The following CCDC81 variants were observed in gnomAD, a reference collection of about 807,000 sequenced individuals.
CCDC81 encodes the protein coiled-coil domain containing 81.
CCDC81 carries 79 observed loss-of-function variants against 83.7 expected under a neutral mutation model. The observed-to-expected ratio is 0.94, with a 90% confidence interval of 0.79 to 1.14. CCDC81 has a LOEUF of 1.14. CCDC81 is among the 50% of genes most tolerant of loss of function. CCDC81 has a pLI of 0.00. For missense variants in CCDC81, 791 were observed against 778.1 expected (o/e 1.02, Z -0.20); for synonymous variants, 252 against 278.1 (o/e 0.91, Z 0.93).
chr11:86,400,130 CAA>C (rs560965042), intron 6 of CCDC81, among the ~76,000 whole-genome samples: 9,592 of 106,394 alleles, frequency 0.09, 464 homozygotes, highest in African/African-American at 0.18. Flanking sequence ...GACTCCATCT[CAA>C]AAAAAAAAAA....
intron 14 of CCDC81, among the ~76,000 whole-genome samples, chr11:86,421,890 G>A (rs1948795961): frequency 6.8e-6 from 1 of 146,654 alleles, no homozygotes; most frequent in Admixed American, 6.8e-5. Context: ...CCAGGCTGGT[G>A]ACAGAGGGAG....
chr11:86,402,978 T>C (rs922545855), intron 7 of CCDC81, among the ~76,000 whole-genome samples: 1 of 151,682 alleles, frequency 6.6e-6, no homozygotes, highest in East Asian at 1.9e-4. Context: ...GCTGGGACTA[T>C]AGGTGTGCAC....
At position 86,387,508 on chromosome 11, in the gene CCDC81, C is replaced by T. The variant is rs766452352; in HGVS notation, c.142-8C>T. ...TGAATTCTGTTTTGTTTTGTTTTTT[C>T]CTTTCAGGGGGTTCAGATTCCAGCA... On this transcript the variant is annotated splice_region_variant and splice_polypyrimidine_tract_variant and intron_variant, in intron 2 of 14. Transcript: ENST00000445632. 4.9e-5 allele frequency: 79 copies of T among 1,609,990 alleles called. No individual in the cohort carries two copies. The highest frequency in any genetic ancestry group is 6.0e-5 in the Non-Finnish European group (71 of 1,178,794).
At chr11:86,382,539 G>T (rs1948189576) in intron 1 of CCDC81, among the ~76,000 whole-genome samples, 1 of 152,180 alleles carries the variant, frequency 6.6e-6, no homozygotes, top group South Asian at 2.1e-4. Context: ...TTTTGGGCAA[G>T]TTGAAGGGCC....
chr11:86,378,160 A>T (rs2138484842), intron 1 of CCDC81, among the ~76,000 whole-genome samples: 1 of 151,798 alleles, frequency 6.6e-6, no homozygotes, highest in East Asian at 1.9e-4. Context: ...GTCAATACAC[A>T]CTGTCTTGAT....
At chr11:86,397,108 A>G (rs1298014092) in intron 5 of CCDC81, among the ~76,000 whole-genome samples, 1 of 151,344 alleles carries the variant, frequency 6.6e-6, no homozygotes, top group Non-Finnish European at 1.5e-5. Context: ...ACACCAACTG[A>G]ACATCCCCCT....
intron 7 of CCDC81, among the ~76,000 whole-genome samples, chr11:86,406,961 T>C (rs1948574333): frequency 6.6e-6 from 1 of 152,174 alleles, no homozygotes; most frequent in Non-Finnish European, 1.5e-5. Flanking sequence ...ACACTGACCA[T>C]AGGCACCTTC....
chr11:86,407,032 T>C (rs1278679750), intron 7 of CCDC81, among the ~76,000 whole-genome samples: 2 of 152,182 alleles, frequency 1.3e-5, no homozygotes. Context: ...ATATCTACAC[T>C]GTTGTTCTCT....
chr11:86,396,602 T>C (rs560584766), intron 5 of CCDC81, among the ~76,000 whole-genome samples: 2 of 152,300 alleles, frequency 1.3e-5, no homozygotes, highest in East Asian at 3.9e-4. Context: ...CTGGAAGAGC[T>C]GTATGACACA....
At chr11:86,385,903 C>T in intron 1 of CCDC81, 148 bp from the exon 2 acceptor site, 1 of 332,430 alleles carries the variant, frequency 3.0e-6, no homozygotes, top group Non-Finnish European at 5.7e-6. Flanking sequence ...TTGGGAATGG[C>T]CTTGTTTTTT....
chr11:86,415,220 T>G lies in CCDC81; in HGVS notation c.1598T>G (p.Leu533Arg). Residue 533 changes from leucine (L) to arginine (R), a missense_variant, in exon 13 of 15, where the codon CTG (leucine) becomes CGG (arginine). Coordinates refer to ENST00000445632, the MANE Select transcript of CCDC81 (RefSeq NM_001156474.2). The part of the protein sequence containing the change: ...KREQNYMKHQ[L>R]EAAANHKRKA... The stretch of plus-strand genomic sequence containing the variant: ...GAACAAAATTACATGAAACACCAGC[T>G]GGAGGCAGCTGCTAACCACAAGAGG... 6.2e-7 allele frequency: 1 copy of G among 1,614,196 alleles called. No homozygotes were observed. Among genetic ancestry groups the G allele is most frequent in the East Asian group, 2.2e-5 (1 of 44,878 alleles).
chr11:86,379,285 G>T (rs1948141991), intron 1 of CCDC81, among the ~76,000 whole-genome samples: 1 of 151,708 alleles, frequency 6.6e-6, no homozygotes, highest in African/African-American at 2.4e-5. Context: ...TTTAGTAGAG[G>T]TGGGGTTTCA....
intron 7 of CCDC81, among the ~76,000 whole-genome samples, chr11:86,403,260 A>G (rs1175250187): frequency 1.3e-5 from 2 of 152,086 alleles, no homozygotes; most frequent in Non-Finnish European, 2.9e-5. Flanking sequence ...TTCTTAAAAA[A>G]AAGTTGTATT....
chr11:86,416,750 T>G (rs1948725131), intron 13 of CCDC81, among the ~76,000 whole-genome samples: 1 of 152,190 alleles, frequency 6.6e-6, no homozygotes, highest in Non-Finnish European at 1.5e-5. Flanking sequence ...TTCCCTTATC[T>G]TTTCCAACTC....
In CCDC81 at chr11:86,395,362, C is replaced by T; in HGVS notation, c.584C>T (p.Ser195Phe). Residue 195 changes from serine (S) to phenylalanine (F), a missense_variant, in exon 5 of 15, where the codon TCT (serine) becomes TTT (phenylalanine). Physicochemically the swap from Ser to Phe is radical, Grantham distance 155 (BLOSUM62 -2). Coordinates refer to ENST00000445632, the MANE Select transcript of CCDC81 (RefSeq NM_001156474.2). ...NRPGTVDSVL[S>F]SREALRKWPS... ...CCTGGCACTGTGGACTCGGTGTTGT[C>T]TAGCAGAGAGGCCTTGAGGAAGTGG... The T allele has an allele frequency of 6.2e-7, 1 of 1,614,096 alleles. No homozygotes were observed. The highest frequency in any genetic ancestry group is 8.5e-7 in the Non-Finnish European group (1 of 1,179,962).
intron 11 of CCDC81, among the ~76,000 whole-genome samples, chr11:86,412,839 T>C (rs541119639): frequency 6.6e-6 from 1 of 152,204 alleles, no homozygotes; most frequent in East Asian, 1.9e-4. Flanking sequence ...CACACGGCAG[T>C]ATCTAGGGGT....
Position 86,408,142 on chromosome 11 carries a change from T to A in CCDC81, c.985T>A (p.Cys329Ser). The A allele has an allele frequency of 6.2e-7, 1 of 1,612,482 alleles. No homozygotes were observed. Among genetic ancestry groups the A allele is most frequent in the Non-Finnish European group, 8.5e-7 (1 of 1,179,682 alleles). Residue 329 changes from cysteine to serine, a missense_variant, in exon 9 of 15, where the codon TGT becomes AGT. Physicochemically the swap from Cys to Ser is moderately radical, Grantham distance 112 (BLOSUM62 -1). Coordinates refer to ENST00000445632, the MANE Select transcript of CCDC81 (RefSeq NM_001156474.2). ...GGGATTGTAGGAAATGTGCTATGTA[T>A]GTTTGCAACGAGCACAACGAAATTC... ...NKAGQEMCYVCLQRAQRNSLL... is the reference protein window; with the variant it reads ...NKAGQEMCYVSLQRAQRNSLL...
At chr11:86,385,505 C>T (rs1469609009) in intron 1 of CCDC81, among the ~76,000 whole-genome samples, 1 of 152,208 alleles carries the variant, frequency 6.6e-6, no homozygotes, top group Non-Finnish European at 1.5e-5. Flanking sequence ...GAGCAAGTGA[C>T]AGCTGGTAGC....
At chr11:86,408,514 T>C (rs573432036) in intron 9 of CCDC81, among the ~76,000 whole-genome samples, 17 of 152,128 alleles carry the variant, frequency 1.1e-4, no homozygotes, top group Admixed American at 7.9e-4. Flanking sequence ...ATGTATTTTT[T>C]GTAGAGACAG....
Sources: allele counts gnomAD v4.1 joint callset (sites outside exome capture counted in the v4.1 genomes callset), GRCh38; gene constraint gnomAD v4.1.1; transcripts MANE v1.5; gene names NCBI Gene and HGNC (gene_info 2026-07-23, HGNC 2026-07-21).